TSNARE1: variants seen among roughly 807,000 people sequenced by gnomAD.
TSNARE1 encodes the protein t-SNARE domain-containing protein 1.
TSNARE1 carries 49 observed loss-of-function variants against 62.0 expected under a neutral mutation model. That is an observed-to-expected ratio of 0.79 (90% confidence interval 0.63 to 1.00). TSNARE1 has a LOEUF of 1.00. TSNARE1 is among the 50% of genes least tolerant of loss of function. TSNARE1 has a pLI of 0.00. For synonymous variants in TSNARE1, 328 were observed against 294.4 expected (o/e 1.11, Z -1.17); for missense variants, 755 against 700.1 (o/e 1.08, Z -0.88).
chr8:142,388,649 G>A (rs752647838), intron 1 of TSNARE1, among the ~76,000 whole-genome samples: 10 of 136,546 alleles, frequency 7.3e-5, no homozygotes, highest in Admixed American at 2.5e-4. Context: ...CCTCCACCTC[G>A]CAGGTTCAAA....
rs1389778094 is a variant in TSNARE1, at chr8:142,212,149, G to A, written c.*176C>T. On this transcript the variant is annotated 3_prime_UTR_variant, in exon 14 of 14. Transcript: ENST00000524325. ...CACAGGGGCGAGTGGGGTCAGTGCA[G>A]GGGAGGACAGCAGGCAGCTGTGAAG... 6.6e-6 allele frequency: 1 copy of A among 152,492 alleles called. No homozygotes were observed. The highest frequency in any genetic ancestry group is 2.4e-5 in the African/African-American group (1 of 41,472). The allele number at this position is 152,492 out of a possible 1,614,324, so 9.4% of individuals were successfully genotyped here. A position where few individuals can be genotyped will look rare whatever the true frequency, so the allele number is the denominator to read the frequency against.
chr8:142,233,557 G>T (rs1285650628), intron 12 of TSNARE1, among the ~76,000 whole-genome samples: 1 of 152,224 alleles, frequency 6.6e-6, no homozygotes, highest in Non-Finnish European at 1.5e-5. Flanking sequence ...GCCAGGAGGG[G>T]CCGGTGTGCT....
chr8:142,321,657 C>T (rs1363434311), intron 6 of TSNARE1, among the ~76,000 whole-genome samples: 1 of 152,026 alleles, frequency 6.6e-6, no homozygotes, highest in Non-Finnish European at 1.5e-5. Context: ...ATTAAAAGAA[C>T]ATTACGGAAA....
At chr8:142,273,511 T>G (rs1490829757) in intron 12 of TSNARE1, 1 of 985,298 alleles carries the variant, frequency 1.0e-6, no homozygotes, top group South Asian at 4.7e-5. Flanking sequence ...AGCCCCAGCC[T>G]TGCCTCTGAC....
At chr8:142,367,353 A>G (rs1342736858) in intron 1 of TSNARE1, among the ~76,000 whole-genome samples, 2 of 152,228 alleles carry the variant, frequency 1.3e-5, no homozygotes, top group African/African-American at 2.4e-5. Context: ...TCAGAACCCT[A>G]GAGAGTGAAG....
chr8:142,355,883 C>G (rs1400568242), intron 1 of TSNARE1, among the ~76,000 whole-genome samples: 3 of 152,188 alleles, frequency 2.0e-5, no homozygotes, highest in Non-Finnish European at 4.4e-5. Context: ...CCATCCAGCC[C>G]TGCCCAGAGC....
intron 12 of TSNARE1, chr8:142,271,753 G>A (rs758150266): frequency 9.7e-6 from 12 of 1,238,052 alleles, no homozygotes; most frequent in Non-Finnish European, 1.3e-5. Flanking sequence ...TCTGGAGGGT[G>A]AGCAGGGTGC....
intron 1 of TSNARE1, among the ~76,000 whole-genome samples, chr8:142,381,615 G>C (rs921246501): frequency 1.3e-5 from 2 of 152,216 alleles, no homozygotes. Flanking sequence ...GAGGGGTCTG[G>C]AGTGAGGCAG....
chr8:142,276,443 G>A (rs888675319), intron 11 of TSNARE1: 114 of 985,350 alleles, frequency 1.2e-4, no homozygotes, highest in South Asian at 2.8e-4. Flanking sequence ...GCAATGCCCC[G>A]CTCACGTGCA....
At chr8:142,254,276 G>C (rs1026578327) in intron 12 of TSNARE1, among the ~76,000 whole-genome samples, 1 of 152,204 alleles carries the variant, frequency 6.6e-6, no homozygotes, top group East Asian at 1.9e-4. Flanking sequence ...CTTCCCCAGT[G>C]CCCCGTGGGG....
intron 12 of TSNARE1, among the ~76,000 whole-genome samples, chr8:142,268,620 T>C (rs1819264675): frequency 6.7e-6 from 1 of 150,302 alleles, no homozygotes; most frequent in Non-Finnish European, 1.5e-5. Flanking sequence ...GATTTGGGGC[T>C]GAAGCCGTGT....
intron 1 of TSNARE1, among the ~76,000 whole-genome samples, chr8:142,379,214 A>G (rs1195534779): frequency 6.6e-6 from 1 of 152,238 alleles, no homozygotes; most frequent in East Asian, 1.9e-4. Flanking sequence ...GGCATGCCTC[A>G]GCGGGCCGCT....
At chr8:142,371,625 C>A (rs1835921955) in intron 1 of TSNARE1, among the ~76,000 whole-genome samples, 1 of 152,166 alleles carries the variant, frequency 6.6e-6, no homozygotes, top group Non-Finnish European at 1.5e-5. Flanking sequence ...TAAAGGAGCA[C>A]AAAGGCAACT....
At chr8:142,333,321 G>A (rs114421440) in intron 4 of TSNARE1, among the ~76,000 whole-genome samples, 5,818 of 152,310 alleles carry the variant, frequency 0.038, 394 homozygotes, top group African/African-American at 0.13. Context: ...ACTAAAGGTC[G>A]ATTAAACCAG....
chr8:142,355,578 C>A (rs1834659820), intron 1 of TSNARE1, among the ~76,000 whole-genome samples: 1 of 152,174 alleles, frequency 6.6e-6, no homozygotes, highest in African/African-American at 2.4e-5. Context: ...ATAACGGGAG[C>A]TCTCCTGCCC....
chr8:142,336,716 A>G (rs1188441878), intron 4 of TSNARE1, among the ~76,000 whole-genome samples: 1 of 152,226 alleles, frequency 6.6e-6, no homozygotes, highest in Non-Finnish European at 1.5e-5. Flanking sequence ...AGGAGAATAC[A>G]CATTCCTGCC....
At position 142,256,265 on chromosome 8, in the gene TSNARE1, CCAT is replaced by C. The variant is rs757124640; in HGVS notation, c.1446+18513_1446+18515del. Among the ~76,000 whole-genome samples the C allele has an allele frequency of 2.2e-4, 29 of 131,956 alleles. No individual in the cohort carries two copies. In the East Asian group the frequency reaches 6.2e-3, roughly 28 times the overall value. The allele number at this position is 131,956 out of a possible 152,430, so 86.6% of individuals were successfully genotyped here. A position where few individuals can be genotyped will look rare whatever the true frequency, so the allele number is the denominator to read the frequency against. ...ATCACCATCACCATCATCACCATCA[CCAT>C]CACCACCACCATTACCATCATCACC... On this transcript the variant is annotated intron_variant, in intron 12 of 13. Transcript: ENST00000524325.
intron 7 of TSNARE1, among the ~76,000 whole-genome samples, chr8:142,315,369 G>A (rs1324530469): frequency 1.3e-5 from 2 of 152,210 alleles, no homozygotes; most frequent in Non-Finnish European, 1.5e-5. Flanking sequence ...CCACCTCCGC[G>A]AGCAGCACTG....
intron 2 of TSNARE1, among the ~76,000 whole-genome samples, chr8:142,352,207 G>A (rs1388155627): frequency 6.6e-6 from 1 of 152,250 alleles, no homozygotes; most frequent in East Asian, 1.9e-4. Flanking sequence ...ATAAGCACAA[G>A]GCAAACCCAA....
Sources: gnomAD v4.1 joint callset for allele counts (sites outside exome capture counted in the v4.1 genomes callset) on GRCh38, gnomAD v4.1.1 for gene constraint, MANE v1.5 for transcripts, NCBI Gene and HGNC (gene_info 2026-07-23, HGNC 2026-07-21) for gene names.